ZUP1: variants seen among roughly 807,000 people sequenced by gnomAD.
ZUP1 encodes zinc finger-containing ubiquitin peptidase 1.
ZUP1 carries 55 observed loss-of-function variants against 68.1 expected under a neutral mutation model. The observed-to-expected ratio is 0.81, with a 90% CI of 0.65 to 1.01. ZUP1 has a LOEUF of 1.01. ZUP1 is among the 50% of genes least tolerant of loss of function. ZUP1 has a pLI of 0.00. For missense variants in ZUP1, 684 were observed against 674.9 expected (o/e 1.01, Z -0.15); for synonymous variants, 223 against 221.5 (o/e 1.01, Z -0.06).
At chr6:116,661,251 A>G (rs949318534) in intron 2 of ZUP1, among the ~76,000 whole-genome samples, 2 of 152,124 alleles carry the variant, frequency 1.3e-5, no homozygotes, top group Non-Finnish European at 2.9e-5. Context: ...TTAACCTTAT[A>G]TAAGTAAAAG....
At position 116,647,584 on chromosome 6, in the gene ZUP1, GA is replaced by G; in HGVS notation, c.1342del (p.Ser448GlnfsTer16). 6.3e-7 allele frequency: 1 copy of G among 1,577,194 alleles called. No homozygotes were observed. The highest frequency in any genetic ancestry group is 1.7e-4 in the Middle Eastern group (1 of 5,898). ...VKCHIVDFHK[S>X]TGPLGTHPRL... ...AGGGTGTGTACCCAAAGGACCAGTTGATTTGTGAAAATCAACAATATGACAC... is the reference window on the plus strand; with the variant it reads ...AGGGTGTGTACCCAAAGGACCAGTTGTTTGTGAAAATCAACAATATGACAC... On this transcript the variant is annotated frameshift_variant, in exon 8 of 10. Transcript: ENST00000368576. LOFTEE classifies it high-confidence loss of function.
intron 5 of ZUP1, among the ~76,000 whole-genome samples, chr6:116,653,357 T>A (rs1416020630): frequency 1.3e-5 from 2 of 152,070 alleles, no homozygotes; most frequent in Non-Finnish European, 2.9e-5. Flanking sequence ...TAGGGAGATC[T>A]TATTATATGC....
intron 9 of ZUP1, among the ~76,000 whole-genome samples, chr6:116,644,313 A>G (rs1187116714): frequency 6.6e-6 from 1 of 152,160 alleles, no homozygotes; most frequent in Non-Finnish European, 1.5e-5. Flanking sequence ...TAGAAATACC[A>G]TTTGACCCAG....
intron 1 of ZUP1, 61 bp from the exon 2 acceptor site, chr6:116,667,268 G>T: frequency 1.7e-6 from 2 of 1,169,982 alleles, no homozygotes; most frequent in Non-Finnish European, 2.3e-6. Flanking sequence ...TTCATAAAAT[G>T]ATTTGAGACA....
chr6:116,660,719 CAAACATAT>C lies in ZUP1; in HGVS notation c.670+9_670+16del. On this transcript the variant is annotated intron_variant, in intron 3 of 9. Coordinates refer to ENST00000368576, the MANE Select transcript of ZUP1 (RefSeq NM_145062.3). ...AGAAATTAAATGATATTTTTATCTT[CAAACATAT>C]AAACATACCTTGCTGAAAGCTGTTT... 1 of 1,409,086 alleles carries C rather than the reference CAAACATAT, an allele frequency of 7.1e-7. No homozygotes were observed. The highest frequency in any genetic ancestry group is 9.9e-7 in the Non-Finnish European group (1 of 1,011,884). The allele number at this position is 1,409,086 out of a possible 1,614,324, so 87.3% of individuals were successfully genotyped here.
At chr6:116,655,322 C>T (rs894052006) in intron 5 of ZUP1, among the ~76,000 whole-genome samples, 4 of 152,088 alleles carry the variant, frequency 2.6e-5, no homozygotes, top group Non-Finnish European at 2.9e-5. Flanking sequence ...CAATTTATAG[C>T]ATACATGTTG....
chr6:116,666,543 G>A, intron 2 of ZUP1, 91 bp downstream of exon 2: 2 of 1,033,900 alleles, frequency 1.9e-6, no homozygotes, highest in East Asian at 2.5e-5. Context: ...AAACACATCT[G>A]TAGTAAGCTG....
At chr6:116,646,341 A>C (rs527684427) in intron 8 of ZUP1, 5 of 157,046 alleles carry the variant, frequency 3.2e-5, no homozygotes, top group African/African-American at 1.2e-4. Context: ...TATAGTTTAT[A>C]TTCCTAAACA....
At chr6:116,660,518 A>G in intron 3 of ZUP1, 1 of 442,880 alleles carries the variant, frequency 2.3e-6, no homozygotes, top group South Asian at 4.0e-5. Flanking sequence ...TTTATGTGCC[A>G]TATGGCAGTT....
At chr6:116,644,603 A>T (rs1415432843) in intron 9 of ZUP1, among the ~76,000 whole-genome samples, 1 of 148,280 alleles carries the variant, frequency 6.7e-6, no homozygotes, top group Non-Finnish European at 1.5e-5. Flanking sequence ...AACACCAAAC[A>T]CCGCATGTTC....
intron 3 of ZUP1, chr6:116,660,101 T>C (rs984835927): frequency 1.3e-5 from 2 of 152,358 alleles, no homozygotes; most frequent in African/African-American, 4.8e-5. Context: ...CTTTTCCATC[T>C]TTGCCCCAAT....
Position 116,666,640 on chromosome 6 carries a change from A to G in ZUP1, c.553T>C (p.Leu185=), listed in dbSNP as rs770537078. 2 of 1,559,700 alleles carry G rather than the reference A, an allele frequency of 1.3e-6. No homozygotes were observed. Among genetic ancestry groups the G allele is most frequent in the Non-Finnish European group, 1.7e-6 (2 of 1,154,878 alleles). Residue 185 remains leucine (L), a synonymous_variant, in exon 2 of 10, where the codon TTG becomes CTG. Coordinates refer to ENST00000368576, the MANE Select transcript of ZUP1 (RefSeq NM_145062.3). ...AATGAAATGAAAACTTTACCTTCCA[A>G]TGGAATGTCTAAAAGATTGGCATGC... is the stretch of plus-strand genomic sequence containing the variant. The part of the protein sequence containing the change: ...TKHANLLDIP[L]EDCDQPLYDC...
intron 8 of ZUP1, among the ~76,000 whole-genome samples, chr6:116,647,078 T>C (rs943795785): frequency 6.6e-6 from 1 of 152,222 alleles, no homozygotes; most frequent in East Asian, 1.9e-4. Context: ...TCAATCTTAA[T>C]TACCTAAGAA....
At chr6:116,661,679 A>G (rs1240109045) in intron 2 of ZUP1, among the ~76,000 whole-genome samples, 5 of 152,246 alleles carry the variant, frequency 3.3e-5, no homozygotes, top group Admixed American at 6.5e-5. Context: ...AGAGGGACCC[A>G]GAATTGTGCA....
chr6:116,641,713 A>G (rs2115381867), intron 9 of ZUP1, among the ~76,000 whole-genome samples: 1 of 152,314 alleles, frequency 6.6e-6, no homozygotes, highest in Middle Eastern at 3.4e-3. Context: ...AATTTATAGC[A>G]CTAAATGCCC....
At chr6:116,656,981 T>C in intron 4 of ZUP1, 129 bp from the exon 5 acceptor site, 1 of 567,530 alleles carries the variant, frequency 1.8e-6, no homozygotes, top group South Asian at 3.7e-5. Context: ...CAAGTTAACT[T>C]AAAGATTTTT....
chr6:116,658,985 T>C, intron 3 of ZUP1, 61 bp from the exon 4 acceptor site: 1 of 1,366,120 alleles, frequency 7.3e-7, no homozygotes, highest in Non-Finnish European at 9.8e-7. Context: ...TTATTTATTA[T>C]TTAATATATG....
rs1239376562 is a variant in ZUP1, at chr6:116,645,711, T to C, written c.1689+3A>G. On this transcript the variant is annotated splice_donor_region_variant and intron_variant, in intron 9 of 9. Coordinates refer to ENST00000368576, the MANE Select transcript of ZUP1 (RefSeq NM_145062.3). The stretch of plus-strand genomic sequence containing the variant: ...CTTCACATATAAATATTTAGATACT[T>C]ACAAGTTTCTCCTCTAGAGAAAGAG... 1 of 1,592,410 alleles carries C rather than the reference T, an allele frequency of 6.3e-7. No individual in the cohort carries two copies. The highest frequency in any genetic ancestry group is 8.5e-7 in the Non-Finnish European group (1 of 1,170,268).
chr6:116,637,516 T>C (rs1775940209), intron 9 of ZUP1, among the ~76,000 whole-genome samples: 1 of 152,222 alleles, frequency 6.6e-6, no homozygotes, highest in South Asian at 2.1e-4. Context: ...GCACAGCTAC[T>C]GTCCATGACT....
Sources: allele counts gnomAD v4.1 joint callset (sites outside exome capture counted in the v4.1 genomes callset), GRCh38; gene constraint gnomAD v4.1.1; transcripts MANE v1.5; gene names NCBI Gene and HGNC (gene_info 2026-07-23, HGNC 2026-07-21).